The following PLCXD3 variants were observed in gnomAD, a reference collection of about 807,000 sequenced individuals.
PLCXD3 encodes the protein PI-PLC X domain-containing protein 3.
A neutral mutation model predicts 25.5 loss-of-function variants in PLCXD3; 19 were observed. The ratio of observed to expected loss-of-function variants is 0.75; its 90% CI spans 0.52 to 1.09. The LOEUF (loss-of-function observed/expected upper bound fraction) is 1.09, where lower values mean the gene tolerates loss of function less well. Among genes scored for constraint, PLCXD3 ranks in the 50% least tolerant of loss-of-function variants. The pLI, the probability that PLCXD3 is intolerant of heterozygous loss-of-function variation, is 0.00. For missense variants in PLCXD3, 411 were observed against 388.1 expected (o/e 1.06, Z -0.50); for synonymous variants, 174 against 137.6 (o/e 1.26, Z -1.85).
chr5:41,448,029 C>T (rs543785772), intron 1 of PLCXD3, among the ~76,000 whole-genome samples: 8 of 152,322 alleles, frequency 5.3e-5, no homozygotes, highest in South Asian at 4.1e-4. Context: ...AAGAGAGAAG[C>T]CTATTCTCAG....
In PLCXD3 at chr5:41,382,299, A is replaced by G; in HGVS notation, c.339T>C (p.Ala113=). 6.2e-7 allele frequency: 1 copy of G among 1,613,644 alleles called. No homozygotes were observed. The highest frequency in any genetic ancestry group is 8.5e-7 in the Non-Finnish European group (1 of 1,179,752). Residue 113 remains alanine, a synonymous_variant, in exon 2 of 3, where the codon GCT becomes GCC. Coordinates refer to ENST00000377801, the MANE Select transcript of PLCXD3 (RefSeq NM_001005473.3). ...TGACTTTGGCACTGAACAAACCATG[A>G]GCAAAATAGAGTTCATTGTCGGGGT... ...PRDPDNELYF[A]HGLFSAKVNE...
At chr5:41,342,246 T>C (rs1001941478) in intron 2 of PLCXD3, among the ~76,000 whole-genome samples, 2 of 152,218 alleles carry the variant, frequency 1.3e-5, no homozygotes, top group African/African-American at 4.8e-5. Flanking sequence ...AATCCAGTTA[T>C]GCCAAATGGT....
At chr5:41,387,975 T>G (rs1356532797) in intron 1 of PLCXD3, among the ~76,000 whole-genome samples, 1 of 152,128 alleles carries the variant, frequency 6.6e-6, no homozygotes, top group Non-Finnish European at 1.5e-5. Context: ...CAAATAATTT[T>G]TAAAGAACTA....
At chr5:41,412,983 G>A (rs1162599283) in intron 1 of PLCXD3, among the ~76,000 whole-genome samples, 1 of 151,892 alleles carries the variant, frequency 6.6e-6, no homozygotes, top group African/African-American at 2.4e-5. Context: ...GGTCTCTTAA[G>A]GAAAAAAGAA....
chr5:41,350,018 A>G (rs961060439), intron 2 of PLCXD3, among the ~76,000 whole-genome samples: 1 of 151,846 alleles, frequency 6.6e-6, no homozygotes, highest in Non-Finnish European at 1.5e-5. Context: ...CAGCTGGGCT[A>G]ATATCTGTGG....
intron 1 of PLCXD3, among the ~76,000 whole-genome samples, chr5:41,477,159 T>C (rs1307956477): frequency 6.6e-6 from 1 of 152,186 alleles, no homozygotes; most frequent in African/African-American, 2.4e-5. Context: ...AAAATTTACT[T>C]CTTTTCTCTG....
intron 2 of PLCXD3, among the ~76,000 whole-genome samples, chr5:41,365,335 G>A (rs1390546898): frequency 6.6e-6 from 1 of 152,138 alleles, no homozygotes; most frequent in Admixed American, 6.5e-5. Context: ...GTTCAGAAAA[G>A]GTCAGAATAT....
At chr5:41,393,699 C>T (rs950084310) in intron 1 of PLCXD3, among the ~76,000 whole-genome samples, 4 of 151,952 alleles carry the variant, frequency 2.6e-5, no homozygotes, top group African/African-American at 9.7e-5. Flanking sequence ...GTGGGTGGAT[C>T]ACAAGGTCAG....
chr5:41,474,065 G>C (rs960179845), intron 1 of PLCXD3, among the ~76,000 whole-genome samples: 1 of 152,102 alleles, frequency 6.6e-6, no homozygotes, highest in South Asian at 2.1e-4. Context: ...CCATCGTTAC[G>C]AGACTGAACA....
chr5:41,395,351 A>G (rs1469995767), intron 1 of PLCXD3, among the ~76,000 whole-genome samples: 1 of 152,136 alleles, frequency 6.6e-6, no homozygotes, highest in South Asian at 2.1e-4. Flanking sequence ...ATTTATAGCT[A>G]TAAGTGCCTA....
chr5:41,476,793 C>T (rs868138510), intron 1 of PLCXD3, among the ~76,000 whole-genome samples: 1 of 152,160 alleles, frequency 6.6e-6, no homozygotes, highest in South Asian at 2.1e-4. Flanking sequence ...CAATTACTTT[C>T]ATTATCCACA....
intron 1 of PLCXD3, among the ~76,000 whole-genome samples, chr5:41,453,123 C>A (rs1178027573): frequency 1.3e-5 from 2 of 151,810 alleles, no homozygotes; most frequent in Non-Finnish European, 2.9e-5. Flanking sequence ...CTCGTTTAAC[C>A]AAAATTTTGT....
rs1249074244 is a variant in PLCXD3 at position 41,310,671 on chromosome 5, A to C, written c.*2946T>G. On this transcript the variant is annotated 3_prime_UTR_variant, in exon 3 of 3. Transcript: ENST00000377801. ...GAACTAATGGATAGAAGACAGTCAA[A>C]GGCACCTTCTCTCCATTCCCCTTTC... 6.6e-6 allele frequency: 1 copy of C among 152,598 alleles called. No homozygotes were observed. The highest frequency in any genetic ancestry group is 1.5e-5 in the Non-Finnish European group (1 of 68,028). 9.5% of individuals were successfully genotyped at this position (152,598 alleles called of 1,614,324 possible). A position where few individuals can be genotyped will look rare whatever the true frequency, so the allele number is the denominator to read the frequency against.
At position 41,440,249 on chromosome 5, in the gene PLCXD3, T is replaced by TTTTTTTTTTTTTTTTTTTTTTTTG. The variant is rs751131624; in HGVS notation, c.104-57716_104-57715insCAAAAAAAAAAAAAAAAAAAAAAA. On this transcript the variant is annotated intron_variant, in intron 1 of 2. Transcript: ENST00000377801. ...TTTTTTTTTTTTTTTTTTTTTTTTT[T>TTTTTTTTTTTTTTTTTTTTTTTTG]TTAGTCAGAGTCTCACTGTGTCACC... 7.2e-4 allele frequency among the ~76,000 whole-genome samples: 72 copies of TTTTTTTTTTTTTTTTTTTTTTTTG among 100,386 alleles called. 13 individuals are homozygous for TTTTTTTTTTTTTTTTTTTTTTTTG. The highest frequency in any genetic ancestry group is 2.1e-3 in the East Asian group (6 of 2,884). 65.9% of individuals were successfully genotyped at this position (100,386 alleles called of 152,430 possible).
chr5:41,506,984 T>C (rs1561293793), intron 1 of PLCXD3, among the ~76,000 whole-genome samples: 2 of 152,168 alleles, frequency 1.3e-5, no homozygotes, highest in Non-Finnish European at 2.9e-5. Context: ...TATTAGAGAA[T>C]GCAAAGCAGA....
At chr5:41,466,385 TTTC>T (rs1475333657) in intron 1 of PLCXD3, among the ~76,000 whole-genome samples, 2 of 152,034 alleles carry the variant, frequency 1.3e-5, no homozygotes, top group East Asian at 3.9e-4. Flanking sequence ...GAGAAATGTT[TTTC>T]TTTTCTTAGT....
At chr5:41,431,124 TG>T (rs1747088915) in intron 1 of PLCXD3, among the ~76,000 whole-genome samples, 1 of 152,230 alleles carries the variant, frequency 6.6e-6, no homozygotes, top group Non-Finnish European at 1.5e-5. Context: ...GCCAATTTTC[TG>T]GGCTGACCTC....
chr5:41,468,031 TTTTTTTTG>T (rs1748065273), intron 1 of PLCXD3, among the ~76,000 whole-genome samples: 1 of 142,760 alleles, frequency 7.0e-6, no homozygotes, highest in African/African-American at 2.6e-5. Context: ...TTTTTTTTTT[TTTTTTTTG>T]ACAGAGTTTT....
At chr5:41,343,693 T>A (rs1319122928) in intron 2 of PLCXD3, among the ~76,000 whole-genome samples, 1 of 152,122 alleles carries the variant, frequency 6.6e-6, no homozygotes, top group Non-Finnish European at 1.5e-5. Context: ...CCAATATACT[T>A]AAACCTGAAG....
Sources: allele counts gnomAD v4.1 joint callset (sites outside exome capture counted in the v4.1 genomes callset), GRCh38; gene constraint gnomAD v4.1.1; transcripts MANE v1.5; gene names NCBI Gene and HGNC (gene_info 2026-07-23, HGNC 2026-07-21).